FBXL7: variants seen among roughly 807,000 people sequenced by gnomAD.
FBXL7 encodes the protein F-box/LRR-repeat protein 7.
FBXL7 carries 12 observed loss-of-function variants against 38.3 expected under a neutral mutation model. The observed-to-expected ratio is 0.31, with a 90% CI of 0.20 to 0.51. The LOEUF (loss-of-function observed/expected upper bound fraction) is 0.51. Ranked by LOEUF, FBXL7 falls within the 20% of genes least tolerant of loss-of-function variation. The pLI is 0.98. For synonymous variants in FBXL7, 297 were observed against 300.9 expected (o/e 0.99, Z 0.13); for missense variants, 567 against 676.4 (o/e 0.84, Z 1.79).
intron 1 of FBXL7, among the ~76,000 whole-genome samples, chr5:15,556,022 A>ATCATCTG (rs1379315619): frequency 2.1e-4 from 31 of 150,054 alleles, no homozygotes; most frequent in African/African-American, 6.8e-4. Flanking sequence ...TCTATCATCT[A>ATCATCTG]TCAGTCTATC....
chr5:15,502,501 T>A (rs1168523023), intron 1 of FBXL7, among the ~76,000 whole-genome samples: 1 of 152,198 alleles, frequency 6.6e-6, no homozygotes. Flanking sequence ...AGATGCACTG[T>A]GGACTTTTTA....
intron 2 of FBXL7, among the ~76,000 whole-genome samples, chr5:15,847,381 T>G (rs1738940461): frequency 6.6e-6 from 1 of 151,964 alleles, no homozygotes. Flanking sequence ...TCATCCACTA[T>G]CACAAGAACA....
At chr5:15,830,833 C>A (rs1222546838) in intron 2 of FBXL7, among the ~76,000 whole-genome samples, 1 of 152,088 alleles carries the variant, frequency 6.6e-6, no homozygotes, top group Non-Finnish European at 1.5e-5. Context: ...CAGGGCAGCA[C>A]CCAGTCCCAG....
At chr5:15,843,987 C>T (rs902653949) in intron 2 of FBXL7, among the ~76,000 whole-genome samples, 2 of 151,818 alleles carry the variant, frequency 1.3e-5, no homozygotes, top group African/African-American at 4.8e-5. Context: ...AACTACATCT[C>T]TAGAGAAGTG....
At chr5:15,847,996 T>C (rs1738965525) in intron 2 of FBXL7, among the ~76,000 whole-genome samples, 1 of 152,186 alleles carries the variant, frequency 6.6e-6, no homozygotes, top group African/African-American at 2.4e-5. Context: ...GATTGCAGTC[T>C]TGTGAGGCCC....
In FBXL7 at chr5:15,736,526, G is replaced by A. The variant is rs115233711; in HGVS notation, c.127+120454G>A. ...CCACATAAATCACCCAATCTTAAAT[G>A]TGATAAATACGTAAAATAGCAACTA... On this transcript the variant is annotated intron_variant, in intron 2 of 3. Coordinates refer to ENST00000504595, the MANE Select transcript of FBXL7 (RefSeq NM_012304.5). Among the ~76,000 whole-genome samples the A allele has an allele frequency of 7.2e-3, 1,090 of 152,288 alleles. 9 individuals carry two copies. Among genetic ancestry groups the A allele is most frequent in the Non-Finnish European group, 9.0e-3 (614 of 68,016 alleles).
intron 2 of FBXL7, among the ~76,000 whole-genome samples, chr5:15,926,695 C>T (rs1455516748): frequency 6.6e-6 from 1 of 151,966 alleles, no homozygotes; most frequent in East Asian, 1.9e-4. Flanking sequence ...GAATATGGCT[C>T]ATACTATTCA....
chr5:15,933,783 A>G (rs1028826758), intron 3 of FBXL7, among the ~76,000 whole-genome samples: 6 of 152,084 alleles, frequency 3.9e-5, no homozygotes, highest in African/African-American at 1.4e-4. Flanking sequence ...CCTCGTTAGC[A>G]CTTTTGTGAG....
At chr5:15,600,516 T>C (rs970012204) in intron 1 of FBXL7, among the ~76,000 whole-genome samples, 10 of 152,196 alleles carry the variant, frequency 6.6e-5, no homozygotes, top group Non-Finnish European at 1.2e-4. Context: ...TTCTCAGTTA[T>C]AATTCTCTTT....
At chr5:15,867,960 C>T (rs577734976) in intron 2 of FBXL7, among the ~76,000 whole-genome samples, 9 of 152,128 alleles carry the variant, frequency 5.9e-5, no homozygotes, top group East Asian at 5.8e-4. Context: ...AAAAATTAGC[C>T]GGGTGTGGTG....
chr5:15,525,994 C>A (rs1737241749), intron 1 of FBXL7, among the ~76,000 whole-genome samples: 1 of 152,144 alleles, frequency 6.6e-6, no homozygotes, highest in Non-Finnish European at 1.5e-5. Context: ...TGAAGTCACC[C>A]ACCAGAAAGT....
At chr5:15,664,283 G>A (rs2126588375) in intron 2 of FBXL7, among the ~76,000 whole-genome samples, 1 of 152,080 alleles carries the variant, frequency 6.6e-6, no homozygotes, top group East Asian at 1.9e-4. Context: ...GTGTTATGTG[G>A]TCGTGTATTT....
intron 1 of FBXL7, among the ~76,000 whole-genome samples, chr5:15,570,214 T>C (rs1738728431): frequency 6.6e-6 from 1 of 152,216 alleles, no homozygotes; most frequent in South Asian, 2.1e-4. Flanking sequence ...TGAATCCATC[T>C]GGTCCTGGAC....
intron 2 of FBXL7, among the ~76,000 whole-genome samples, chr5:15,880,177 A>C (rs891724668): frequency 6.6e-6 from 1 of 152,172 alleles, no homozygotes; most frequent in African/African-American, 2.4e-5. Context: ...TGCTGCCTCT[A>C]CCATTTACTG....
At chr5:15,891,484 T>A (rs1160331440) in intron 2 of FBXL7, among the ~76,000 whole-genome samples, 1 of 152,222 alleles carries the variant, frequency 6.6e-6, no homozygotes, top group African/African-American at 2.4e-5. Context: ...TTATGTAAAC[T>A]AGACTCTGTA....
intron 2 of FBXL7, among the ~76,000 whole-genome samples, chr5:15,834,065 A>T (rs257734): frequency 2.0e-5 from 3 of 151,944 alleles, no homozygotes; most frequent in Non-Finnish European, 4.4e-5. Flanking sequence ...TAAATAAAAC[A>T]TTATTGTATT....
intron 1 of FBXL7, 90 bp downstream of exon 1, chr5:15,500,803 G>A (rs575806248): frequency 4.0e-6 from 6 of 1,514,200 alleles, no homozygotes; most frequent in Non-Finnish European, 4.5e-6. Context: ...GTTCTCGCCC[G>A]CGGCCGTGAC....
chr5:15,889,188 G>A (rs1368307785), intron 2 of FBXL7, among the ~76,000 whole-genome samples: 1 of 152,150 alleles, frequency 6.6e-6, no homozygotes, highest in Admixed American at 6.6e-5. Context: ...TCTTACCAAT[G>A]CCTGGCCACA....
At chr5:15,738,857 T>A (rs1198328194) in intron 2 of FBXL7, among the ~76,000 whole-genome samples, 3 of 152,158 alleles carry the variant, frequency 2.0e-5, no homozygotes, top group Admixed American at 2.0e-4. Flanking sequence ...AGATCTATGA[T>A]TTTCCTTGAG....
Sources: allele counts gnomAD v4.1 joint callset (sites outside exome capture counted in the v4.1 genomes callset), GRCh38; gene constraint gnomAD v4.1.1; transcripts MANE v1.5; gene names NCBI Gene and HGNC (gene_info 2026-07-23, HGNC 2026-07-21).